The following RNF38 variants were observed in gnomAD, a reference collection of about 807,000 sequenced individuals.
RNF38 encodes the protein ring finger protein 38.
A neutral mutation model predicts 67.2 loss-of-function variants in RNF38; 15 were observed. That is an observed-to-expected ratio of 0.22 (90% CI 0.15 to 0.34). The LOEUF is 0.34. Among genes scored for constraint, RNF38 ranks in the 10% least tolerant of loss-of-function variants. The probability of loss-of-function intolerance (pLI) is 1.00; values close to 1 mark genes in which losing one functional copy is unlikely to be tolerated. For synonymous variants in RNF38, 220 were observed against 218.8 expected (o/e 1.01, Z -0.05); for missense variants, 524 against 639.9 (o/e 0.82, Z 1.95).
rs548208565 is a variant in RNF38, at chr9:36,451,604, G to A, written n.242-26921C>T. On this transcript the variant is annotated intron_variant and non_coding_transcript_variant, in intron 1 of 3. Transcript: ENST00000488058. ...CAACCTCCGCCTCCCAGGTTCAAGC[G>A]ATTCTCCTGCCTCAGCCTCCCTAAT... Among the ~76,000 whole-genome samples the A allele has an allele frequency of 1.0e-4, 14 of 139,942 alleles. No individual in the cohort carries two copies. In the South Asian group the frequency reaches 3.1e-3, roughly 31 times the overall value. 91.8% of individuals were successfully genotyped at this position (139,942 alleles called of 152,430 possible). A position where few individuals can be genotyped will look rare whatever the true frequency, so the allele number is the denominator to read the frequency against.
At chr9:36,429,671 G>C (rs1423260701) in intron 1 of RNF38, among the ~76,000 whole-genome samples, 1 of 152,090 alleles carries the variant, frequency 6.6e-6, no homozygotes, top group Non-Finnish European at 1.5e-5. Context: ...GCGGGCACCT[G>C]TAATCCCAGC....
chr9:36,449,593 G>A lies in RNF38; in HGVS notation n.242-24910C>T, dbSNP rs183075752. 4.0e-4 allele frequency among the ~76,000 whole-genome samples: 61 copies of A among 152,160 alleles called. 1 individual carries two copies. Among genetic ancestry groups the A allele is most frequent in the African/African-American group, 1.4e-3 (60 of 41,548 alleles). On this transcript the variant is annotated intron_variant and non_coding_transcript_variant, in intron 1 of 3. Coordinates refer to the RNF38 transcript ENST00000488058. Reference sequence around the variant, plus strand: ...TAGGACTACAGGCGCGTGCCAACACGCCCGGCTAATTTTTTGTATTTTTAA... The same window carrying A: ...TAGGACTACAGGCGCGTGCCAACACACCCGGCTAATTTTTTGTATTTTTAA...
At chr9:36,415,954 G>A (rs1838454074) in intron 2 of RNF38, among the ~76,000 whole-genome samples, 1 of 151,940 alleles carries the variant, frequency 6.6e-6, no homozygotes. Flanking sequence ...TCAGAAGGTG[G>A]CGCTTTCAAT....
chr9:36,486,042 T>C (rs1451011870), intron 1 of RNF38, among the ~76,000 whole-genome samples: 1 of 152,210 alleles, frequency 6.6e-6, no homozygotes, highest in African/African-American at 2.4e-5. Context: ...TGGCACCTTC[T>C]TTGAAACATC....
rs765455400 is a variant in RNF38, at chr9:36,376,163, T to C, written c.163-36A>G. ...AACAAAATGGATCAACTGAGTAAGATCTTTTAAAGATTTCACATTACTGCA... is the reference window on the plus strand; with the variant it reads ...AACAAAATGGATCAACTGAGTAAGACCTTTTAAAGATTTCACATTACTGCA... On this transcript the variant is annotated intron_variant, in intron 2 of 11. Transcript: ENST00000259605. 6 of 1,477,872 alleles carry C rather than the reference T, an allele frequency of 4.1e-6. No homozygotes were observed. The South Asian group carries it at 6.8e-5, about 17-fold the overall frequency. 91.5% of individuals were successfully genotyped at this position (1,477,872 alleles called of 1,614,324 possible).
chr9:36,436,287 C>A (rs1471789366), intron 1 of RNF38, among the ~76,000 whole-genome samples: 5 of 152,144 alleles, frequency 3.3e-5, no homozygotes, highest in Non-Finnish European at 7.4e-5. Context: ...CTAGGGAAGT[C>A]AAATGATCTC....
rs1834107118 is a variant in RNF38 at position 36,356,362 on chromosome 9, G to A, written c.850C>T (p.Pro284Ser). The A allele has an allele frequency of 2.5e-6, 4 of 1,613,986 alleles. No homozygotes were observed. The highest frequency in any genetic ancestry group is 3.4e-6 in the Non-Finnish European group (4 of 1,180,028). ...TGGCCTGGTGGTGGCAAATGAGGAG[G>A]ATGATGGGGAGAAAGGTGAGGAGGA... ...IHPPHLSPHHPPHLPPPGQFV... is the reference protein window; with the variant it reads ...IHPPHLSPHHSPHLPPPGQFV... The change falls in exon 6 of 12, where the codon CCT (proline) becomes TCT (serine). Residue 284 changes from proline (P) to serine (S), a missense_variant. Around this residue, in one of 2 missense-constraint regions of RNF38, gnomAD observed 461 missense variants for 517.4 expected, o/e 0.89. Coordinates refer to ENST00000259605, the MANE Select transcript of RNF38 (RefSeq NM_022781.5).
intron 9 of RNF38, among the ~76,000 whole-genome samples, chr9:36,345,935 T>A (rs994530836): frequency 6.6e-6 from 1 of 152,208 alleles, no homozygotes; most frequent in African/African-American, 2.4e-5. Flanking sequence ...AATAGGGAGA[T>A]GTGAATACTT....
intron 1 of RNF38, among the ~76,000 whole-genome samples, chr9:36,474,916 C>A (rs560094040): frequency 6.8e-6 from 1 of 147,420 alleles, no homozygotes. Flanking sequence ...CCGAGGCAGG[C>A]GGATCACCTG....
At chr9:36,443,408 G>A (rs1839238736) in intron 1 of RNF38, among the ~76,000 whole-genome samples, 1 of 152,164 alleles carries the variant, frequency 6.6e-6, no homozygotes, top group South Asian at 2.1e-4. Context: ...TTAAAGCAAT[G>A]GCTGAAAGTT....
At chr9:36,339,857 C>T (rs746361613) in intron 11 of RNF38, 43 bp from the exon 12 acceptor site, 1 of 1,440,992 alleles carries the variant, frequency 6.9e-7, no homozygotes, top group Non-Finnish European at 9.7e-7. Context: ...GTGACACATA[C>T]AATGAAACAC....
rs745904682 is a variant in RNF38 at position 36,353,152 on chromosome 9, T to C, written c.1071+18A>G. ...TTGCCAAAGCAAGTAATTAACATAG[T>C]ACTCTGTGAAAACTTACTACTCCAA... is the stretch of plus-strand genomic sequence containing the variant. On this transcript the variant is annotated intron_variant, in intron 7 of 11. Coordinates refer to ENST00000259605, the MANE Select transcript of RNF38 (RefSeq NM_022781.5). 5.0e-6 allele frequency: 8 copies of C among 1,605,772 alleles called. No individual in the cohort carries two copies. The African/African-American group carries it at 5.4e-5, about 11-fold the overall frequency.
chr9:36,346,920 C>T lies in RNF38; in HGVS notation c.1264-1967G>A, dbSNP rs1370656883. On this transcript the variant is annotated intron_variant, in intron 9 of 11. Coordinates refer to ENST00000259605, the MANE Select transcript of RNF38 (RefSeq NM_022781.5). Reference sequence around the variant, plus strand: ...ATCACTTGAGGTCAGGCATTTGAGACCCACCTGGTCAACACGGTGAAACCC... The same window carrying T: ...ATCACTTGAGGTCAGGCATTTGAGATCCACCTGGTCAACACGGTGAAACCC... 2.6e-5 allele frequency among the ~76,000 whole-genome samples: 4 copies of T among 152,098 alleles called. No homozygotes were observed. In the South Asian group the frequency reaches 6.2e-4, roughly 24 times the overall value.
intron 1 of RNF38, among the ~76,000 whole-genome samples, chr9:36,468,391 C>T (rs1376365529): frequency 5.9e-5 from 9 of 152,300 alleles, no homozygotes; most frequent in East Asian, 3.9e-4. Context: ...CCTTCTCTGG[C>T]CCTTCAATCC....
rs112648686 is a variant in RNF38, at chr9:36,383,807, GT to G, written c.162+6659del. On this transcript the variant is annotated intron_variant, in intron 2 of 11. Transcript: ENST00000259605. The stretch of plus-strand genomic sequence containing the variant: ...AATTTTGCTCTTTGATACGTGCCAA[GT>G]TTTTTTTTTTTTAAACCGAAGCCCA... 2.0e-3 allele frequency among the ~76,000 whole-genome samples: 291 copies of G among 145,550 alleles called. 2 individuals carry two copies. Among genetic ancestry groups the G allele is most frequent in the South Asian group, 1.0e-2 (46 of 4,610 alleles).
intron 3 of RNF38, among the ~76,000 whole-genome samples, chr9:36,373,270 T>C (rs1012784738): frequency 6.6e-6 from 1 of 152,152 alleles, no homozygotes; most frequent in Non-Finnish European, 1.5e-5. Flanking sequence ...GATACATAAA[T>C]TGTGTGGTAC....
intron 2 of RNF38, 31 bp from the exon 3 acceptor site, chr9:36,376,158 T>A: frequency 6.7e-7 from 1 of 1,487,438 alleles, no homozygotes; most frequent in Non-Finnish European, 9.0e-7. Flanking sequence ...ATCAACTGAG[T>A]AAGATCTTTT....
Position 36,350,679 on chromosome 9 carries a change from C to CGTAATTCTAATAGAGCACCAA in RNF38, c.1263+415_1263+435dup, listed in dbSNP as rs1347499239. The stretch of plus-strand genomic sequence containing the variant: ...CATTTGCATTCTCATTGGAATTGTA[C>CGTAATTCTAATAGAGCACCAA]GTAATTCTAATAGAGCACCAATCTA... On this transcript the variant is annotated intron_variant, in intron 9 of 11. Transcript: ENST00000259605. 2.0e-5 allele frequency among the ~76,000 whole-genome samples: 3 copies of CGTAATTCTAATAGAGCACCAA among 152,314 alleles called. No individual in the cohort carries two copies. In the East Asian group the frequency reaches 5.8e-4, roughly 29 times the overall value.
chr9:36,462,972 C>T lies in RNF38; in HGVS notation n.241+24336G>A, dbSNP rs1587184240. On this transcript the variant is annotated intron_variant and non_coding_transcript_variant, in intron 1 of 3. Transcript: ENST00000488058. Reference sequence around the variant, plus strand: ...CAGGTGTGAGCCACTGTACCCCGCCCTGATTTACTTTTTTTTTTTTTAAGT... The same window carrying T: ...CAGGTGTGAGCCACTGTACCCCGCCTTGATTTACTTTTTTTTTTTTTAAGT... Among the ~76,000 whole-genome samples the T allele has an allele frequency of 4.0e-5, 6 of 151,212 alleles. No individual in the cohort carries two copies. In the Admixed American group the frequency reaches 4.0e-4, roughly 10 times the overall value.
Sources: allele counts gnomAD v4.1 joint callset (sites outside exome capture counted in the v4.1 genomes callset), GRCh38; gene constraint gnomAD v4.1.1; regional missense constraint gnomAD v4.1.1; transcripts MANE v1.5; gene names NCBI Gene and HGNC (gene_info 2026-07-23, HGNC 2026-07-21).